Variants in RBMS3 observed in about 807,000 individuals in gnomAD.
The protein encoded by RBMS3 is RNA-binding motif, single-stranded-interacting protein 3.
In RBMS3, 27 loss-of-function variants were observed where a neutral mutation model predicts 66.8. The ratio of observed to expected loss-of-function variants is 0.40; its 90% CI spans 0.30 to 0.56. The LOEUF is 0.56. Among genes scored for constraint, RBMS3 ranks in the 20% least tolerant of loss-of-function variants. The pLI is 0.40. For synonymous variants in RBMS3, 188 were observed against 183.0 expected, an observed-to-expected ratio of 1.03 and a Z score of -0.22; for missense variants, 513 against 549.5, an observed-to-expected ratio of 0.93 and a Z score of 0.66.
chr3:29,346,677 G>A (rs1406782153), intron 1 of RBMS3, among the ~76,000 whole-genome samples: 3 of 152,030 alleles, frequency 2.0e-5, no homozygotes, highest in African/African-American at 7.2e-5. Flanking sequence ...ACAGGCGTGA[G>A]CCACCGCGCC....
intron 7 of RBMS3, among the ~76,000 whole-genome samples, chr3:29,878,323 G>T (rs534947584): frequency 2.3e-4 from 35 of 152,152 alleles, no homozygotes; most frequent in African/African-American, 8.4e-4. Flanking sequence ...GATCATTGAT[G>T]ATTTTTATTG....
chr3:29,565,398 A>T (rs938241590), intron 3 of RBMS3, among the ~76,000 whole-genome samples: 4 of 152,184 alleles, frequency 2.6e-5, no homozygotes, highest in Non-Finnish European at 1.5e-5. Flanking sequence ...GCAGGACTTG[A>T]AAACAGTGAT....
chr3:29,341,969 C>G (rs2036306106), intron 1 of RBMS3, among the ~76,000 whole-genome samples: 1 of 152,070 alleles, frequency 6.6e-6, no homozygotes, highest in South Asian at 2.1e-4. Flanking sequence ...CTCGAATGTG[C>G]AACCTCACCC....
intron 8 of RBMS3, among the ~76,000 whole-genome samples, chr3:29,887,622 C>A (rs750457542): frequency 3.3e-5 from 5 of 151,702 alleles, no homozygotes; most frequent in Non-Finnish European, 7.4e-5. Context: ...TCAGGCAGTT[C>A]TTTATAGTGG....
At chr3:29,704,110 C>G (rs2052761518) in intron 4 of RBMS3, among the ~76,000 whole-genome samples, 1 of 152,152 alleles carries the variant, frequency 6.6e-6, no homozygotes, top group Admixed American at 6.5e-5. Context: ...ATTGATTCTA[C>G]ATTAGAGTGA....
chr3:29,488,417 T>A, intron 2 of RBMS3, 24 bp from the exon 3 acceptor site: 1 of 1,528,958 alleles, frequency 6.5e-7, no homozygotes, highest in South Asian at 1.1e-5. Context: ...ATAACATGGG[T>A]TTTTTTCTCT....
chr3:29,526,093 G>GT (rs2045083707), intron 3 of RBMS3, among the ~76,000 whole-genome samples: 1 of 152,056 alleles, frequency 6.6e-6, no homozygotes, highest in East Asian at 1.9e-4. Context: ...CTCAAAATGT[G>GT]GTCTATAGAG....
intron 1 of RBMS3, among the ~76,000 whole-genome samples, chr3:29,343,019 GTTTCT>G (rs2036365608): frequency 6.6e-6 from 1 of 152,196 alleles, no homozygotes; most frequent in South Asian, 2.1e-4. Flanking sequence ...AGTGCAACTG[GTTTCT>G]TATATAGTTG....
intron 3 of RBMS3, among the ~76,000 whole-genome samples, chr3:29,584,450 C>G (rs1344064293): frequency 6.6e-6 from 1 of 152,064 alleles, no homozygotes; most frequent in Non-Finnish European, 1.5e-5. Context: ...TCCTATATTT[C>G]CAATTTCATC....
intron 6 of RBMS3, among the ~76,000 whole-genome samples, chr3:29,856,064 A>T (rs1577004977): frequency 6.6e-6 from 1 of 152,354 alleles, no homozygotes; most frequent in Non-Finnish European, 1.5e-5. Flanking sequence ...ATTGATTTAT[A>T]ATTTAAAAAA....
At chr3:29,331,749 G>A (rs1007062259) in intron 1 of RBMS3, among the ~76,000 whole-genome samples, 24 of 151,362 alleles carry the variant, frequency 1.6e-4, no homozygotes, top group African/African-American at 5.3e-4. Flanking sequence ...GATTCACAGG[G>A]GCTTGTCCAT....
intron 1 of RBMS3, among the ~76,000 whole-genome samples, chr3:29,361,394 G>T (rs9784269): frequency 0.63 from 94,884 of 151,536 alleles, 29,891 homozygotes; most frequent in African/African-American, 0.68. Context: ...CTTCTGGCTT[G>T]TAGAGTTTCT....
In RBMS3 at chr3:29,953,358, T is replaced by A. The variant is rs557868476; in HGVS notation, c.1098+9104T>A. Among the ~76,000 whole-genome samples, 3 of 152,088 alleles carry A rather than the reference T, an allele frequency of 2.0e-5. No homozygotes were observed. In the East Asian group the frequency reaches 5.8e-4, roughly 30 times the overall value. On this transcript the variant is annotated intron_variant, in intron 12 of 14. Transcript: ENST00000383767. ...TTGCAGAATGTACCTGTCTCTCTTT[T>A]GTCCACCACAGTCCTTGAGTGGCCT...
intron 7 of RBMS3, among the ~76,000 whole-genome samples, chr3:29,871,857 T>C (rs1381998260): frequency 6.6e-6 from 1 of 152,188 alleles, no homozygotes; most frequent in Non-Finnish European, 1.5e-5. Context: ...TTTTTCCTCA[T>C]GGCATTTTGA....
At chr3:29,672,348 A>G (rs2051041302) in intron 4 of RBMS3, among the ~76,000 whole-genome samples, 1 of 152,250 alleles carries the variant, frequency 6.6e-6, no homozygotes, top group African/African-American at 2.4e-5. Flanking sequence ...AATTGTAAAG[A>G]CCATCAATGC....
intron 12 of RBMS3, among the ~76,000 whole-genome samples, chr3:29,964,377 G>T (rs1696686860): frequency 6.6e-6 from 1 of 152,162 alleles, no homozygotes; most frequent in African/African-American, 2.4e-5. Flanking sequence ...AAGTAGAGTG[G>T]TATGATAGCA....
intron 3 of RBMS3, among the ~76,000 whole-genome samples, chr3:29,520,884 G>A (rs2044830386): frequency 1.3e-5 from 2 of 152,062 alleles, no homozygotes; most frequent in Non-Finnish European, 2.9e-5. Flanking sequence ...TGAAATACCT[G>A]CTAAGGTCAA....
intron 2 of RBMS3, among the ~76,000 whole-genome samples, chr3:29,482,701 C>CTTTCTTTCTTTTTTTTTTTTTTTTT (rs759435190): frequency 1.3e-5 from 1 of 77,512 alleles, no homozygotes; most frequent in Non-Finnish European, 2.3e-5. Context: ...TTCTTTCTTT[C>CTTTCTTTCTTTTTTTTTTTTTTTTT]TTTTTTTTTT....
At chr3:29,717,006 A>T (rs984361423) in intron 4 of RBMS3, among the ~76,000 whole-genome samples, 1 of 152,008 alleles carries the variant, frequency 6.6e-6, no homozygotes, top group Non-Finnish European at 1.5e-5. Context: ...TTTTGGGAGT[A>T]GCACAAGCTA....
Sources: gnomAD v4.1 joint callset for allele counts (sites outside exome capture counted in the v4.1 genomes callset) on GRCh38, gnomAD v4.1.1 for gene constraint, MANE v1.5 for transcripts, NCBI Gene and HGNC (gene_info 2026-07-23, HGNC 2026-07-21) for gene names.